KBTBD12: variants seen among roughly 807,000 people sequenced by gnomAD.
KBTBD12 encodes the protein kelch repeat and BTB domain containing 12, also known as kelch repeat and BTB domain-containing protein 12.
In KBTBD12, 53 loss-of-function variants were observed where a neutral mutation model predicts 58.7. That is an observed-to-expected ratio of 0.90 (90% CI 0.72 to 1.14). KBTBD12 has a LOEUF of 1.14. Ranked by LOEUF, KBTBD12 falls within the 50% of genes most tolerant of loss-of-function variation. KBTBD12 has a pLI of 0.00. For synonymous variants in KBTBD12, 236 were observed against 259.8 expected, an observed-to-expected ratio of 0.91 and a Z score of 0.88; for missense variants, 704 against 751.3, an observed-to-expected ratio of 0.94 and a Z score of 0.74.
At chr3:127,936,665 G>GTT (rs1436953617) in intron 4 of KBTBD12, among the ~76,000 whole-genome samples, 7 of 152,120 alleles carry the variant, frequency 4.6e-5, no homozygotes, top group Non-Finnish European at 5.9e-5. Flanking sequence ...CTGGAAAATT[G>GTT]TAAGCTTTAG....
At chr3:127,950,308 C>G (rs1315734346) in intron 4 of KBTBD12, among the ~76,000 whole-genome samples, 3 of 151,980 alleles carry the variant, frequency 2.0e-5, no homozygotes, top group African/African-American at 7.2e-5. Context: ...TAGAAGGGCC[C>G]TAGGCTAACG....
chr3:127,958,377 C>G (rs566323644), intron 4 of KBTBD12, among the ~76,000 whole-genome samples: 3 of 152,302 alleles, frequency 2.0e-5, no homozygotes, highest in South Asian at 4.1e-4. Flanking sequence ...CTGTGCTCTC[C>G]CCTTACTGGC....
chr3:127,928,098 A>G, intron 3 of KBTBD12, 64 bp downstream of exon 3: 7 of 1,386,714 alleles, frequency 5.0e-6, no homozygotes, highest in Non-Finnish European at 7.1e-6. Flanking sequence ...TATGTTAAAC[A>G]TTGTTGTAGT....
intron 4 of KBTBD12, among the ~76,000 whole-genome samples, chr3:127,954,400 C>T (rs1285499253): frequency 1.3e-5 from 2 of 152,076 alleles, no homozygotes; most frequent in African/African-American, 2.4e-5. Flanking sequence ...CATTATGAGT[C>T]CTTGGTGAAT....
At chr3:127,941,693 C>A (rs1006769977) in intron 4 of KBTBD12, among the ~76,000 whole-genome samples, 1 of 152,126 alleles carries the variant, frequency 6.6e-6, no homozygotes, top group Non-Finnish European at 1.5e-5. Flanking sequence ...CGGAATCTTT[C>A]GGGTTCAAGC....
intron 5 of KBTBD12, among the ~76,000 whole-genome samples, chr3:127,966,612 A>G (rs1940576908): frequency 6.6e-6 from 1 of 152,204 alleles, no homozygotes; most frequent in African/African-American, 2.4e-5. Flanking sequence ...AAATTAGAGA[A>G]AGAGAAGTTG....
rs1171866455 is a variant in KBTBD12, at chr3:127,987,275, A to G, written c.*2997A>G. The G allele has an allele frequency of 1.3e-5, 2 of 152,178 alleles. No individual in the cohort carries two copies. The highest frequency in any genetic ancestry group is 3.9e-4 in the East Asian group (2 of 5,192). The allele number at this position is 152,178 out of a possible 1,614,324, so 9.4% of individuals were successfully genotyped here. A position where few individuals can be genotyped will look rare whatever the true frequency, so the allele number is the denominator to read the frequency against. ...GCTTGCCTGGGTTAGTGCTTATTTT[A>G]AGTTCTTGGTGCTTCTTGTCTGACT... On this transcript the variant is annotated 3_prime_UTR_variant, in exon 6 of 6. Transcript: ENST00000405109.
At chr3:127,974,950 GT>G (rs1940754810) in intron 5 of KBTBD12, among the ~76,000 whole-genome samples, 1 of 152,218 alleles carries the variant, frequency 6.6e-6, no homozygotes, top group South Asian at 2.1e-4. Context: ...TCCAGCCTGG[GT>G]GACAGAGCGA....
chr3:127,984,270 G>A lies in KBTBD12; in HGVS notation c.1864G>A (p.Glu622Lys), dbSNP rs1940927924. 2 of 1,612,854 alleles carry A rather than the reference G, an allele frequency of 1.2e-6. No individual in the cohort carries two copies. The highest frequency in any genetic ancestry group is 1.7e-6 in the Non-Finnish European group (2 of 1,179,456). ...TTCAGATTTGGTGGAAGAAGGCAAT[G>A]AGCACTAAGGTGACCTTGCTGGAGG... ...PPSDLVEEGNEH is the reference protein window; with the variant it reads ...PPSDLVEEGNKH Residue 622 changes from glutamate (E) to lysine (K), a missense_variant, in exon 6 of 6, where the codon GAG becomes AAG. Physicochemically the swap from Glu to Lys is moderately conservative, Grantham distance 56. Transcript: ENST00000405109.
intron 4 of KBTBD12, among the ~76,000 whole-genome samples, chr3:127,947,343 C>T (rs1940105885): frequency 6.6e-6 from 1 of 152,136 alleles, no homozygotes; most frequent in Non-Finnish European, 1.5e-5. Context: ...GTCTTCTGTG[C>T]TTCAGCCCTG....
rs1299760325 is a variant in KBTBD12, at chr3:127,923,989, T to G, written c.928T>G (p.Phe310Val). The G allele has an allele frequency of 1.2e-6, 2 of 1,613,840 alleles. No homozygotes were observed. The highest frequency in any genetic ancestry group is 1.7e-6 in the Non-Finnish European group (2 of 1,179,788). Residue 310 changes from phenylalanine (F) to valine (V), a missense_variant, in exon 2 of 6, where the codon TTC becomes GTC. Transcript: ENST00000405109. ...TGATCCTGTATCACGGAAAACCTAT[T>G]TCATCTCATCTCCCAAGTACGGAGA... ...CYDPVSRKTY[F>V]ISSPKYGEGL... is the part of the protein sequence containing the mutation.
rs1939454967 is a variant in KBTBD12, at chr3:127,922,959, C to T, written c.-103C>T. On this transcript the variant is annotated 5_prime_UTR_variant, in exon 2 of 6. Coordinates refer to ENST00000405109, the MANE Select transcript of KBTBD12 (RefSeq NM_207335.4). ...TTTTTCTTTCCCTTAGAAATGTTTC[C>T]TGACATCTTTGTAGCTTCATGAGTA... The T allele has an allele frequency of 1.5e-6, 1 of 670,656 alleles. No homozygotes were observed. Among genetic ancestry groups the T allele is most frequent in the Non-Finnish European group, 2.5e-6 (1 of 397,834 alleles). The allele number at this position is 670,656 out of a possible 1,614,324, so 41.5% of individuals were successfully genotyped here.
intron 3 of KBTBD12, chr3:127,928,249 A>C (rs573043336): frequency 3.7e-6 from 2 of 545,684 alleles, no homozygotes; most frequent in Admixed American, 3.1e-5. Context: ...GACTTGATTC[A>C]GTTTTCATGC....
chr3:127,957,527 A>C (rs994295367), intron 4 of KBTBD12, among the ~76,000 whole-genome samples: 4 of 152,204 alleles, frequency 2.6e-5, no homozygotes, highest in Non-Finnish European at 5.9e-5. Context: ...CTGAGATTAG[A>C]TTCCTATATT....
rs1939609763 is a variant in KBTBD12 at position 127,927,757 on chromosome 3, T to C, written c.1071-7T>C. On this transcript the variant is annotated splice_polypyrimidine_tract_variant and splice_region_variant and intron_variant, in intron 2 of 5. Transcript: ENST00000405109. ...CTAATCCTGGATACTCTCTCTCTCT[T>C]TTGCAGGTATCATGATAGAGGAAAC... The C allele has an allele frequency of 6.7e-7, 1 of 1,495,150 alleles. No homozygotes were observed. The highest frequency in any genetic ancestry group is 1.4e-5 in the African/African-American group (1 of 71,868). The allele number at this position is 1,495,150 out of a possible 1,614,324, so 92.6% of individuals were successfully genotyped here. A position where few individuals can be genotyped will look rare whatever the true frequency, so the allele number is the denominator to read the frequency against.
chr3:127,931,324 A>G (rs187514093), intron 4 of KBTBD12, among the ~76,000 whole-genome samples: 1 of 152,278 alleles, frequency 6.6e-6, no homozygotes, highest in East Asian at 1.9e-4. Context: ...TAACAAGAAT[A>G]TTACACAACA....
At chr3:127,970,344 A>T (rs889487354) in intron 5 of KBTBD12, among the ~76,000 whole-genome samples, 1 of 152,230 alleles carries the variant, frequency 6.6e-6, no homozygotes, top group African/African-American at 2.4e-5. Context: ...AAAATAATGC[A>T]GCTGCTCTGG....
chr3:127,976,784 T>C (rs1416563413), intron 5 of KBTBD12, among the ~76,000 whole-genome samples: 1 of 152,242 alleles, frequency 6.6e-6, no homozygotes, highest in African/African-American at 2.4e-5. Flanking sequence ...TATGTGTGTA[T>C]GCTGTTTCAT....
At chr3:127,922,830 A>C in intron 1 of KBTBD12, 120 bp from the exon 2 acceptor site, 1 of 348,372 alleles carries the variant, frequency 2.9e-6, no homozygotes, top group East Asian at 4.9e-5. Flanking sequence ...GTTGTCTTAA[A>C]CTGCTCTGCT....
Sources: gnomAD v4.1 joint callset for allele counts (sites outside exome capture counted in the v4.1 genomes callset) on GRCh38, gnomAD v4.1.1 for gene constraint, MANE v1.5 for transcripts, NCBI Gene and HGNC (gene_info 2026-07-23, HGNC 2026-07-21) for gene names.